Variants in CR2 observed in about 807,000 individuals in gnomAD.
CR2 encodes complement receptor type 2.
Under a neutral mutation model 123.0 loss-of-function variants are expected in CR2, and 96 were observed. The observed-to-expected ratio is 0.78, with a 90% CI of 0.66 to 0.93. The LOEUF (loss-of-function observed/expected upper bound fraction) is 0.93. CR2 is among the 40% of genes least tolerant of loss of function. The pLI, the probability that CR2 is intolerant of heterozygous loss-of-function variation, is 0.00. For synonymous variants in CR2, 484 were observed against 469.5 expected (o/e 1.03, Z -0.40); for missense variants, 1,258 against 1,361.0 (o/e 0.92, Z 1.19).
chr1:207,460,512 T>C (rs559990542), intron 1 of CR2, among the ~76,000 whole-genome samples: 156 of 152,266 alleles, frequency 1.0e-3, no homozygotes, highest in African/African-American at 3.3e-3. Flanking sequence ...AAGGAGATTA[T>C]AAATTTGATA....
At chr1:207,474,359 T>C (rs754250336) in intron 13 of CR2, 36 bp downstream of exon 13, 17 of 1,469,780 alleles carry the variant, frequency 1.2e-5, no homozygotes, top group East Asian at 2.3e-5. Flanking sequence ...ACAATGGTAA[T>C]GGAGGATTAG....
At chr1:207,478,171 A>G (rs1658496720) in intron 16 of CR2, 101 bp downstream of exon 16, 1 of 1,254,822 alleles carries the variant, frequency 8.0e-7, no homozygotes, top group African/African-American at 1.5e-5. Context: ...AAATTGACAT[A>G]GGTTTGTGAC....
intron 1 of CR2, among the ~76,000 whole-genome samples, chr1:207,464,643 T>C (rs1021079986): frequency 6.6e-6 from 1 of 152,204 alleles, no homozygotes; most frequent in Non-Finnish European, 1.5e-5. Flanking sequence ...AGTTGTGGAA[T>C]CTGGATTATG....
At position 207,473,698 on chromosome 1, in the gene CR2, G is replaced by A. The variant is rs1240549356; in HGVS notation, c.2132G>A (p.Ser711Asn). 6 of 1,613,856 alleles carry A rather than the reference G, an allele frequency of 3.7e-6. No homozygotes were observed. In the Admixed American group the frequency reaches 8.3e-5, roughly 22 times the overall value. ...CACTGTATGCCTTCAGGAAATTGGAGTCCTTCTGCCCCACGGTGTGAAGGT... is the reference window on the plus strand; with the variant it reads ...CACTGTATGCCTTCAGGAAATTGGAATCCTTCTGCCCCACGGTGTGAAGGT... ...SIHCMPSGNWSPSAPRCEETC... is the reference protein window; with the variant it reads ...SIHCMPSGNWNPSAPRCEETC... The change falls in exon 11 of 20, where the codon AGT (serine) becomes AAT (asparagine). Residue 711 changes from serine to asparagine, a missense_variant. Ser to Asn is a conservative substitution (Grantham distance 46, BLOSUM62 1). Transcript: ENST00000367057.
chr1:207,476,240 T>C lies in CR2; in HGVS notation c.2723T>C (p.Ile908Thr), dbSNP rs138785170. The change falls in exon 15 of 20, where the codon ATA (isoleucine) becomes ACA (threonine). Residue 908 changes from isoleucine to threonine, a missense_variant. Transcript: ENST00000367057. ...GVPTCIKKAFIGCPPPPKTPN... is the reference protein window; with the variant it reads ...GVPTCIKKAFTGCPPPPKTPN... ...TTTCTTATTGGTGTCTAAGCCTTCA[T>C]AGGGTGTCCACCTCCGCCTAAGACC... The C allele has an allele frequency of 3.0e-4, 483 of 1,613,548 alleles. 1 individual carries two copies. Among genetic ancestry groups the C allele is most frequent in the Non-Finnish European group, 3.7e-4 (435 of 1,179,750 alleles).
At chr1:207,482,740 C>T (rs181023520) in intron 18 of CR2, among the ~76,000 whole-genome samples, 2 of 152,142 alleles carry the variant, frequency 1.3e-5, no homozygotes, top group East Asian at 3.9e-4. Context: ...AAAGTTTCAG[C>T]GTGGAAGAGA....
chr1:207,473,539 C>T lies in CR2; in HGVS notation c.1979-6C>T. ...TGGTATTTATGTAGGGAGTTTTTCTCTTCAGGCTGCCAGTCACCTCCTGGG... is the reference window on the plus strand; with the variant it reads ...TGGTATTTATGTAGGGAGTTTTTCTTTTCAGGCTGCCAGTCACCTCCTGGG... On this transcript the variant is annotated splice_polypyrimidine_tract_variant and splice_region_variant and intron_variant, in intron 10 of 19. Coordinates refer to ENST00000367057, the MANE Select transcript of CR2 (RefSeq NM_001006658.3). 1 of 1,613,200 alleles carries T rather than the reference C, an allele frequency of 6.2e-7. No homozygotes were observed. The highest frequency in any genetic ancestry group is 8.5e-7 in the Non-Finnish European group (1 of 1,179,240).
chr1:207,457,676 C>T lies in CR2; in HGVS notation c.58+3200C>T, dbSNP rs371076989. 2.6e-5 allele frequency among the ~76,000 whole-genome samples: 4 copies of T among 152,264 alleles called. No homozygotes were observed. The South Asian group carries it at 8.3e-4, about 32-fold the overall frequency. On this transcript the variant is annotated intron_variant, in intron 1 of 19. Transcript: ENST00000367057. ...TCTATGTTAATCTTTCTCAGTCTTTCAGCAAAAACTGATGACTTCCTTTAC... is the reference window on the plus strand; with the variant it reads ...TCTATGTTAATCTTTCTCAGTCTTTTAGCAAAAACTGATGACTTCCTTTAC...
At position 207,489,484 on chromosome 1, in the gene CR2, A is replaced by G. The variant is rs770538726; in HGVS notation, c.*361A>G. 2 of 152,236 alleles carry G rather than the reference A, an allele frequency of 1.3e-5. No individual in the cohort carries two copies. The highest frequency in any genetic ancestry group is 2.9e-5 in the Non-Finnish European group (2 of 68,042). The allele number at this position is 152,236 out of a possible 1,614,324, so 9.4% of individuals were successfully genotyped here. ...GACCCATCTTCTTTTTGAAATCAGC[A>G]TACTCAATGTTACTATCTGCTTTTG... On this transcript the variant is annotated 3_prime_UTR_variant, in exon 20 of 20. Coordinates refer to ENST00000367057, the MANE Select transcript of CR2 (RefSeq NM_001006658.3).
intron 8 of CR2, 38 bp downstream of exon 8, chr1:207,471,125 G>A: frequency 6.3e-7 from 1 of 1,583,918 alleles, no homozygotes; most frequent in Non-Finnish European, 8.7e-7. Context: ...CAATTCCGGT[G>A]TATCAGCACA....
intron 10 of CR2, among the ~76,000 whole-genome samples, 158 bp from the exon 11 acceptor site, chr1:207,473,387 A>G (rs1658344049): frequency 6.6e-6 from 1 of 152,176 alleles, no homozygotes. Flanking sequence ...AGATAATGAG[A>G]GAGCCTTTTT....
rs767939242 is a variant in CR2 at position 207,454,508 on chromosome 1, A to G, written c.58+32A>G. On this transcript the variant is annotated intron_variant, in intron 1 of 19. Coordinates refer to ENST00000367057, the MANE Select transcript of CR2 (RefSeq NM_001006658.3). This position sits in a 1 kb window ranked among gnomAD's most constrained non-coding sequence, Gnocchi z 4.3. Reference sequence around the variant, plus strand: ...TGGGAGGGGGAGCACGGAGGTGGGGACGCGTCCCGGGCAGGGAAAGTTTCT... The same window carrying G: ...TGGGAGGGGGAGCACGGAGGTGGGGGCGCGTCCCGGGCAGGGAAAGTTTCT... The G allele has an allele frequency of 2.0e-6, 3 of 1,480,290 alleles. No individual in the cohort carries two copies. The highest frequency in any genetic ancestry group is 4.8e-5 in the East Asian group (2 of 41,680). The allele number at this position is 1,480,290 out of a possible 1,614,324, so 91.7% of individuals were successfully genotyped here. A position where few individuals can be genotyped will look rare whatever the true frequency, so the allele number is the denominator to read the frequency against.
intron 13 of CR2, 60 bp from the exon 14 acceptor site, chr1:207,474,764 A>G (rs1658386924): frequency 1.3e-6 from 2 of 1,573,592 alleles, no homozygotes; most frequent in South Asian, 1.1e-5. Flanking sequence ...TTGTACCTGA[A>G]TGAAGACCGC....
Position 207,471,610 on chromosome 1 carries a change from A to G in CR2, c.1570+111A>G, listed in dbSNP as rs555668626. ...GAATTAGAGTATTAGATTCTGTTCT[A>G]TTGATTCTGCCAATAGTTATGGTTG... is the stretch of plus-strand genomic sequence containing the variant. On this transcript the variant is annotated intron_variant, in intron 9 of 19. Coordinates refer to ENST00000367057, the MANE Select transcript of CR2 (RefSeq NM_001006658.3). 851 of 798,472 alleles carry G rather than the reference A, an allele frequency of 1.1e-3. 1 individual carries two copies. The highest frequency in any genetic ancestry group is 1.6e-3 in the Non-Finnish European group (739 of 448,736). The allele number at this position is 798,472 out of a possible 1,614,324, so 49.5% of individuals were successfully genotyped here. A position where few individuals can be genotyped will look rare whatever the true frequency, so the allele number is the denominator to read the frequency against.
intron 1 of CR2, among the ~76,000 whole-genome samples, chr1:207,457,450 A>G (rs988358018): frequency 2.0e-5 from 3 of 152,128 alleles, no homozygotes; most frequent in Non-Finnish European, 4.4e-5. Flanking sequence ...GAAATCCTTT[A>G]TGGACCTTCT....
At chr1:207,468,350 T>G (rs1041103512) in intron 2 of CR2, 177 bp from the exon 3 acceptor site, 1 of 639,060 alleles carries the variant, frequency 1.6e-6, no homozygotes, top group South Asian at 1.9e-5. Context: ...ATTTTTTTTT[T>G]GCAATTTTTT....
intron 18 of CR2, among the ~76,000 whole-genome samples, chr1:207,483,453 G>A (rs1658660545): frequency 6.6e-6 from 1 of 152,114 alleles, no homozygotes; most frequent in Admixed American, 6.5e-5. Flanking sequence ...TACTTAGAGT[G>A]TAGAGTTTAC....
At chr1:207,464,987 A>G (rs1426469860) in intron 1 of CR2, among the ~76,000 whole-genome samples, 1 of 151,940 alleles carries the variant, frequency 6.6e-6, no homozygotes, top group African/African-American at 2.4e-5. Flanking sequence ...CTGGAGTGCA[A>G]TGGCGTGATC....
At chr1:207,468,409 G>C in intron 2 of CR2, 118 bp from the exon 3 acceptor site, 2 of 971,200 alleles carry the variant, frequency 2.1e-6, no homozygotes, top group South Asian at 2.7e-5. Context: ...TGTGGCCCAA[G>C]ACAATTTTTC....
Sources: allele counts gnomAD v4.1 joint callset (sites outside exome capture counted in the v4.1 genomes callset), GRCh38; gene constraint gnomAD v4.1.1; non-coding constraint Gnocchi (gnomAD v3.1); transcripts MANE v1.5; gene names NCBI Gene and HGNC (gene_info 2026-07-23, HGNC 2026-07-21).